Variants in PREX2 observed in about 807,000 individuals in gnomAD.
PREX2 encodes the protein phosphatidylinositol 3,4,5-trisphosphate-dependent Rac exchanger 2 protein.
Under a neutral mutation model 203.2 loss-of-function variants are expected in PREX2, and 107 were observed. The ratio of observed to expected loss-of-function variants is 0.53; its 90% CI spans 0.45 to 0.62. The LOEUF is 0.62. Ranked by LOEUF, PREX2 falls within the 20% of genes least tolerant of loss-of-function variation. The probability of loss-of-function intolerance (pLI) is 0.00; values close to 1 mark genes in which losing one functional copy is unlikely to be tolerated. For synonymous variants in PREX2, 672 were observed against 663.6 expected, an observed-to-expected ratio of 1.01 and a Z score of -0.19; for missense variants, 1,777 against 1,955.9, an observed-to-expected ratio of 0.91 and a Z score of 1.72.
chr8:68,048,147 C>T (rs925194715), intron 8 of PREX2, among the ~76,000 whole-genome samples: 2 of 152,030 alleles, frequency 1.3e-5, no homozygotes, highest in Admixed American at 1.3e-4. Flanking sequence ...CAGATTTCAA[C>T]TCTCAGTGAA....
At chr8:68,127,311 C>A in intron 30 of PREX2, 67 bp from the exon 31 acceptor site, 1 of 1,221,824 alleles carries the variant, frequency 8.2e-7, no homozygotes, top group Non-Finnish European at 1.2e-6. Flanking sequence ...TTTGACTACA[C>A]AGTTAAAATA....
intron 4 of PREX2, 144 bp downstream of exon 4, chr8:68,022,284 A>G (rs1807592586): frequency 3.5e-6 from 2 of 569,520 alleles, no homozygotes; most frequent in Non-Finnish European, 3.1e-6. Flanking sequence ...TCCTTTGATG[A>G]AAATAAAAGT....
chr8:68,147,066 T>G (rs1811342654), intron 34 of PREX2, among the ~76,000 whole-genome samples: 1 of 152,162 alleles, frequency 6.6e-6, no homozygotes, highest in South Asian at 2.1e-4. Context: ...AGTCTATTAT[T>G]TCCCTCCACA....
Position 68,030,477 on chromosome 8 carries a change from G to T in PREX2, c.544-20G>T. ...AAAGCTGAAGATCAAAGGGCGATTT[G>T]TTTTTTTGTGTATAAACAGGAGTTG... On this transcript the variant is annotated intron_variant, in intron 5 of 39. Transcript: ENST00000288368. The T allele has an allele frequency of 6.2e-7, 1 of 1,609,578 alleles. No homozygotes were observed. The highest frequency in any genetic ancestry group is 8.5e-7 in the Non-Finnish European group (1 of 1,177,042).
At chr8:68,079,284 C>G (rs1392420104) in intron 15 of PREX2, among the ~76,000 whole-genome samples, 1 of 152,194 alleles carries the variant, frequency 6.6e-6, no homozygotes, top group Non-Finnish European at 1.5e-5. Flanking sequence ...GTCTTTCAAC[C>G]AAAGATCAAT....
rs568662285 is a variant in PREX2 at position 68,149,183 on chromosome 8, G to A, written c.4231+2831G>A. 6.6e-5 allele frequency among the ~76,000 whole-genome samples: 10 copies of A among 152,222 alleles called. No homozygotes were observed. The South Asian group carries it at 1.5e-3, about 22-fold the overall frequency. ...TCAGAGTAGAACAGGAAGCAAATGC[G>A]TCACCCCTTTCTCATTTTCCTTGCC... On this transcript the variant is annotated intron_variant, in intron 34 of 39. Coordinates refer to ENST00000288368, the MANE Select transcript of PREX2 (RefSeq NM_024870.4).
chr8:68,091,428 T>TGTG (rs1199232119), intron 20 of PREX2, among the ~76,000 whole-genome samples: 1 of 152,190 alleles, frequency 6.6e-6, no homozygotes, highest in Non-Finnish European at 1.5e-5. Context: ...CAGGCAGAAC[T>TGTG]TTACAGGAGA....
At chr8:67,980,896 T>C (rs1806247787) in intron 1 of PREX2, among the ~76,000 whole-genome samples, 1 of 152,232 alleles carries the variant, frequency 6.6e-6, no homozygotes. Flanking sequence ...CCTTTTAAAT[T>C]ACTCAGTCTT....
intron 11 of PREX2, among the ~76,000 whole-genome samples, chr8:68,063,400 T>C (rs1808917772): frequency 6.6e-6 from 1 of 151,946 alleles, no homozygotes; most frequent in South Asian, 2.1e-4. Flanking sequence ...AAGGGAAGTG[T>C]ACAGGCTATT....
chr8:68,060,231 T>G (rs115623290), intron 10 of PREX2, among the ~76,000 whole-genome samples: 1 of 152,214 alleles, frequency 6.6e-6, no homozygotes, highest in Admixed American at 6.5e-5. Flanking sequence ...AACTCACTGG[T>G]TCTCTGTGCC....
intron 15 of PREX2, among the ~76,000 whole-genome samples, chr8:68,078,652 C>T (rs1413297421): frequency 6.6e-6 from 1 of 152,142 alleles, no homozygotes. Context: ...TTCCCTATCT[C>T]CAGATCACTC....
intron 35 of PREX2, among the ~76,000 whole-genome samples, chr8:68,186,663 G>C (rs573334954): frequency 6.6e-6 from 1 of 151,912 alleles, no homozygotes; most frequent in Non-Finnish European, 1.5e-5. Context: ...ACAGGCACTC[G>C]CCACCACGCC....
At chr8:68,041,846 T>C (rs1372593604) in intron 7 of PREX2, among the ~76,000 whole-genome samples, 1 of 152,070 alleles carries the variant, frequency 6.6e-6, no homozygotes, top group Admixed American at 6.6e-5. Flanking sequence ...CCCAAATCTT[T>C]TGCAAAATTA....
intron 8 of PREX2, among the ~76,000 whole-genome samples, chr8:68,045,819 C>A (rs892610417): frequency 6.6e-6 from 1 of 152,066 alleles, no homozygotes; most frequent in Non-Finnish European, 1.5e-5. Flanking sequence ...ACATGTGGGA[C>A]CTAGTCGGCT....
intron 36 of PREX2, 124 bp from the exon 37 acceptor site, chr8:68,192,211 C>A (rs1419566424): frequency 2.9e-6 from 2 of 692,722 alleles, no homozygotes; most frequent in Non-Finnish European, 4.7e-6. Flanking sequence ...TATTAGTAGT[C>A]TCTAATTCCA....
At chr8:68,068,112 G>A (rs1585754765) in intron 11 of PREX2, among the ~76,000 whole-genome samples, 1 of 152,098 alleles carries the variant, frequency 6.6e-6, no homozygotes, top group Non-Finnish European at 1.5e-5. Flanking sequence ...AACTTGATTT[G>A]GTAGTATTTT....
intron 2 of PREX2, among the ~76,000 whole-genome samples, chr8:68,018,265 C>T (rs113476948): frequency 0.012 from 1,854 of 151,708 alleles, 28 homozygotes; most frequent in African/African-American, 0.038. Flanking sequence ...GTCAGGAGTT[C>T]GAGACCAGCC....
At chr8:68,117,022 AT>A (rs773376147) in intron 26 of PREX2, among the ~76,000 whole-genome samples, 1 of 152,180 alleles carries the variant, frequency 6.6e-6, no homozygotes, top group Non-Finnish European at 1.5e-5. Context: ...CATATTTTTC[AT>A]TTATATTAAT....
chr8:68,018,424 G>A (rs965590279), intron 2 of PREX2, among the ~76,000 whole-genome samples: 6 of 151,992 alleles, frequency 3.9e-5, no homozygotes, highest in Non-Finnish European at 5.9e-5. Context: ...CTGAGATGGC[G>A]CCATTGCACT....
Sources: gnomAD v4.1 joint callset for allele counts (sites outside exome capture counted in the v4.1 genomes callset) on GRCh38, gnomAD v4.1.1 for gene constraint, MANE v1.5 for transcripts, NCBI Gene and HGNC (gene_info 2026-07-23, HGNC 2026-07-21) for gene names.